ZNF280C: variants seen among roughly 807,000 people sequenced by gnomAD.
ZNF280C encodes the protein zinc finger protein 280C.
In ZNF280C, 14 loss-of-function variants were observed where a neutral mutation model predicts 53.6. The ratio of observed to expected loss-of-function variants is 0.26; its 90% confidence interval spans 0.17 to 0.41. The LOEUF is 0.41. Among genes scored for constraint, ZNF280C ranks in the 10% least tolerant of loss-of-function variants. The pLI, the probability that ZNF280C is intolerant of heterozygous loss-of-function variation, is 1.00. For synonymous variants in ZNF280C, 203 were observed against 181.1 expected (o/e 1.12, Z -0.97); for missense variants, 416 against 547.1 (o/e 0.76, Z 2.39).
At position 130,230,542 on chromosome X, in the gene ZNF280C, G is replaced by A; in HGVS notation, c.957C>T (p.Phe319=). 1 of 1,204,801 alleles carries A rather than the reference G, an allele frequency of 8.3e-7. No homozygotes were observed. Among genetic ancestry groups the A allele is most frequent in the Non-Finnish European group, 1.1e-6 (1 of 891,563 alleles). The change falls in exon 9 of 19, where the codon TTC becomes TTT. Residue 319 remains phenylalanine, a synonymous_variant. Transcript: ENST00000370978. The part of the protein sequence containing the change: ...EPKTYTTFKC[F]SCSKVLKNNI... ...TATTTTTAAGAACTTTCGAGCAACT[G>A]AAGCATTTAAAGGTTGTGTAAGTCT...
intron 15 of ZNF280C, among the ~76,000 whole-genome samples, chrX:130,210,102 G>A (rs928628727): frequency 5.4e-5 from 6 of 111,748 alleles, no homozygotes; most frequent in African/African-American, 2.0e-4. Context: ...CGAATCTGCC[G>A]GCACCTTGAT....
At chrX:130,220,066 T>A in intron 13 of ZNF280C, among the ~76,000 whole-genome samples, 1 of 111,229 alleles carries the variant, frequency 9.0e-6, no homozygotes, top group East Asian at 2.8e-4. Flanking sequence ...AAACTCACTT[T>A]TGGGGTGCAT....
chrX:130,251,282 C>CA (rs61571389), intron 2 of ZNF280C, among the ~76,000 whole-genome samples: 883 of 15,207 alleles, frequency 0.058, 133 homozygotes, highest in African/African-American at 0.14. Context: ...GGACCTGTCT[C>CA]AAAAAAAAAA....
At chrX:130,228,617 C>CTTTTTTTT (rs35926660) in intron 10 of ZNF280C, among the ~76,000 whole-genome samples, 2 of 58,411 alleles carry the variant, frequency 3.4e-5, no homozygotes, top group African/African-American at 8.4e-5. Context: ...TTTTCTTCTA[C>CTTTTTTTT]TTTTTTTTTT....
chrX:130,210,365 A>AT (rs1274461128), intron 15 of ZNF280C, among the ~76,000 whole-genome samples: 1 of 112,530 alleles, frequency 8.9e-6, no homozygotes, highest in Non-Finnish European at 1.9e-5. Context: ...GTGTCAAATT[A>AT]AAGTTTTTTA....
Position 130,227,717 on chromosome X carries a change from T to A in ZNF280C, c.1213A>T (p.Thr405Ser). 1 of 1,207,524 alleles carries A rather than the reference T, an allele frequency of 8.3e-7. No individual in the cohort carries two copies. Among genetic ancestry groups the A allele is most frequent in the East Asian group, 3.0e-5 (1 of 33,767 alleles). ...EHILLQHMKD[T>S]HKPGEMPYVC... The stretch of plus-strand genomic sequence containing the variant: ...TATGGCATTTCACCAGGTTTATGGG[T>A]GTCCTTCATATGTTGTAAAAGAATA... Residue 405 changes from threonine (T) to serine (S), a missense_variant, in exon 11 of 19, where the codon ACC becomes TCC. By Grantham distance (58) the Thr-to-Ser change is moderately conservative. Coordinates refer to ENST00000370978, the MANE Select transcript of ZNF280C (RefSeq NM_017666.5).
chrX:130,235,195 C>T (rs1397566343), intron 8 of ZNF280C, among the ~76,000 whole-genome samples: 1 of 112,391 alleles, frequency 8.9e-6, no homozygotes, highest in Non-Finnish European at 1.9e-5. Context: ...TAAAATATTG[C>T]AATTTGTACA....
At chrX:130,223,709 C>T (rs2032192454) in intron 12 of ZNF280C, among the ~76,000 whole-genome samples, 1 of 111,862 alleles carries the variant, frequency 8.9e-6, no homozygotes, top group South Asian at 3.8e-4. Flanking sequence ...GTCTTTCGTC[C>T]TTTGTTAAAA....
At chrX:130,225,000 T>A (rs1399897653) in intron 12 of ZNF280C, among the ~76,000 whole-genome samples, 4 of 111,754 alleles carry the variant, frequency 3.6e-5, no homozygotes, top group Non-Finnish European at 5.6e-5. Flanking sequence ...TCTGAAATTG[T>A]GCAATATTTG....
rs973251501 is a variant in ZNF280C, at chrX:130,236,389, G to A, written c.665-69C>T. ...AAAACCTTAAATGACCACTAATAAT[G>A]GTTTTAAAATTCATCACAATTTCTA... On this transcript the variant is annotated intron_variant, in intron 7 of 18. Transcript: ENST00000370978. 4.5e-6 allele frequency: 5 copies of A among 1,119,830 alleles called. No homozygotes were observed. In the African/African-American group the frequency reaches 9.3e-5, roughly 21 times the overall value. The allele number at this position is 1,119,830 out of a possible 1,213,427, so 92.3% of individuals were successfully genotyped here. A position where few individuals can be genotyped will look rare whatever the true frequency, so the allele number is the denominator to read the frequency against.
intron 16 of ZNF280C, among the ~76,000 whole-genome samples, chrX:130,207,573 G>A (rs1008910433): frequency 9.9e-5 from 11 of 110,803 alleles, no homozygotes; most frequent in Admixed American, 1.9e-4. Context: ...TGTTGGCCAG[G>A]TTGGTCTTAA....
chrX:130,258,052 AG>A (rs2032593646), intron 2 of ZNF280C, among the ~76,000 whole-genome samples: 1 of 111,826 alleles, frequency 8.9e-6, no homozygotes, highest in African/African-American at 3.3e-5. Context: ...TGAGTGGCAG[AG>A]GTTGCAGTGA....
chrX:130,205,538 C>T, intron 16 of ZNF280C, 123 bp from the exon 17 acceptor site: 1 of 459,515 alleles, frequency 2.2e-6, no homozygotes, highest in Non-Finnish European at 3.6e-6. Context: ...CCGTCATTTT[C>T]CAATTTTGTT....
intron 10 of ZNF280C, 29 bp downstream of exon 10, chrX:130,228,948 T>C (rs2032250628): frequency 9.0e-7 from 1 of 1,116,368 alleles, no homozygotes; most frequent in East Asian, 3.1e-5. Context: ...GTCAACAATA[T>C]TCAGGATTCC....
intron 15 of ZNF280C, among the ~76,000 whole-genome samples, chrX:130,214,783 C>G (rs1363854018): frequency 3.6e-5 from 4 of 111,682 alleles, no homozygotes; most frequent in Admixed American, 1.9e-4. Context: ...CAGTAAAGAC[C>G]TAATTTTTTA....
intron 1 of ZNF280C, among the ~76,000 whole-genome samples, chrX:130,268,414 T>A (rs1459634299): frequency 9.1e-6 from 1 of 110,330 alleles, no homozygotes. Context: ...CGAAAGGGAG[T>A]TGCCTCCAGA....
intron 2 of ZNF280C, among the ~76,000 whole-genome samples, chrX:130,251,208 G>A (rs1269725396): frequency 3.0e-5 from 3 of 101,262 alleles, no homozygotes; most frequent in African/African-American, 1.1e-4. Flanking sequence ...CTGAGCCCCA[G>A]GAGACTGGGG....
chrX:130,265,542 T>C (rs1452601576), intron 1 of ZNF280C, among the ~76,000 whole-genome samples: 1 of 112,175 alleles, frequency 8.9e-6, no homozygotes, highest in African/African-American at 3.2e-5. Context: ...GTATTATTAA[T>C]CAATTTGCTT....
At chrX:130,229,413 T>A (rs1458426297) in intron 9 of ZNF280C, among the ~76,000 whole-genome samples, 1 of 111,929 alleles carries the variant, frequency 8.9e-6, no homozygotes, top group African/African-American at 3.2e-5. Context: ...ATTTTAGATT[T>A]AAAATTTTTT....
Sources: gnomAD v4.1 joint callset for allele counts (sites outside exome capture counted in the v4.1 genomes callset) on GRCh38, gnomAD v4.1.1 for gene constraint, MANE v1.5 for transcripts, NCBI Gene and HGNC (gene_info 2026-07-23, HGNC 2026-07-21) for gene names.